ZNF658: variants seen among roughly 807,000 people sequenced by gnomAD.
ZNF658 encodes the protein zinc finger protein 658.
Under a neutral mutation model 78.0 loss-of-function variants are expected in ZNF658, and 46 were observed. The observed-to-expected ratio is 0.59, with a 90% CI of 0.47 to 0.75. The LOEUF is 0.75. Among genes scored for constraint, ZNF658 ranks in the 30% least tolerant of loss-of-function variants. The pLI, the probability that ZNF658 is intolerant of heterozygous loss-of-function variation, is 0.00. For synonymous variants in ZNF658, 279 were observed against 408.4 expected, an observed-to-expected ratio of 0.68 and a Z score of 3.82; for missense variants, 785 against 1,189.3, an observed-to-expected ratio of 0.66 and a Z score of 5.00.
At position 66,918,408 on chromosome 9, in the gene ZNF658, A is replaced by G. The variant is rs1251428230; in HGVS notation, c.842A>G (p.Lys281Arg). Residue 281 changes from lysine (K) to arginine (R), a missense_variant, in exon 5 of 5, where the codon AAA (lysine) becomes AGA (arginine). Lys to Arg is a conservative substitution (Grantham distance 26). Transcript: ENST00000621410. Reference sequence around the variant, plus strand: ...AATGAATATGGGACATCCTGTGACAAAACCACCGCTGTTGAATACAATAAA... The same window carrying G: ...AATGAATATGGGACATCCTGTGACAGAACCACCGCTGTTGAATACAATAAA... ...DLNEYGTSCD[K>R]TTAVEYNKVH... The G allele has an allele frequency of 6.2e-7, 1 of 1,613,498 alleles. No homozygotes were observed. The highest frequency in any genetic ancestry group is 8.5e-7 in the Non-Finnish European group (1 of 1,179,648).
intron 4 of ZNF658, among the ~76,000 whole-genome samples, chr9:66,915,875 C>G (rs62549041): frequency 0.54 from 70,152 of 129,432 alleles, 19,439 homozygotes; most frequent in African/African-American, 0.66. Flanking sequence ...AAGGGGGAAA[C>G]AAGCATCTGA....
intron 6 of ZNF658, among the ~76,000 whole-genome samples, chr9:66,928,614 A>T (rs1249088457): frequency 6.6e-6 from 1 of 151,752 alleles, no homozygotes; most frequent in African/African-American, 2.4e-5. Context: ...GCACTTTGGG[A>T]GGCCAACGCG....
At chr9:66,929,650 A>G (rs1182781837) in intron 6 of ZNF658, among the ~76,000 whole-genome samples, 4 of 148,144 alleles carry the variant, frequency 2.7e-5, no homozygotes, top group African/African-American at 1.0e-4. Context: ...TAATGGGATT[A>G]TGACAAAACT....
intron 6 of ZNF658, among the ~76,000 whole-genome samples, chr9:66,930,532 C>T (rs951249045): frequency 1.9e-4 from 29 of 151,056 alleles, no homozygotes; most frequent in Non-Finnish European, 1.5e-4. Context: ...ATTTTCAGCC[C>T]GGCATGGTGG....
rs768545104 is a variant in ZNF658 at position 66,918,699 on chromosome 9, A to T, written c.1133A>T (p.Asp378Val). The T allele has an allele frequency of 3.1e-6, 5 of 1,613,982 alleles. No homozygotes were observed. The East Asian group carries it at 1.1e-4, about 36-fold the overall frequency. Reference sequence around the variant, plus strand: ...GCACATCAGAGAATTCACACAGAAGATAAATTCTACCTTTCTGATGAACAT... The same window carrying T: ...GCACATCAGAGAATTCACACAGAAGTTAAATTCTACCTTTCTGATGAACAT... ...FTAHQRIHTE[D>V]KFYLSDEHGK... The change falls in exon 5 of 5, where the codon GAT becomes GTT. Residue 378 changes from aspartate (D) to valine (V), a missense_variant. Asp to Val is a radical substitution (Grantham distance 152, BLOSUM62 -3). This residue lies in a region of ZNF658 where 393 missense variants were observed against 400.2 expected (regional missense o/e 0.98). Coordinates refer to ENST00000621410, the MANE Select transcript of ZNF658 (RefSeq NM_033160.7).
Position 66,920,790 on chromosome 9 carries a change from T to G in ZNF658, c.*44T>G. 1 of 665,592 alleles carries G rather than the reference T, an allele frequency of 1.5e-6. No homozygotes were observed. Among genetic ancestry groups the G allele is most frequent in the Non-Finnish European group, 2.7e-6 (1 of 367,746 alleles). The allele number at this position is 665,592 out of a possible 1,614,324, so 41.2% of individuals were successfully genotyped here. ...ACATAACACGTAGTGCAGAAACTCATGTGACATAGGCTGGGAACTTGTTTC... is the reference window on the plus strand; with the variant it reads ...ACATAACACGTAGTGCAGAAACTCAGGTGACATAGGCTGGGAACTTGTTTC... On this transcript the variant is annotated 3_prime_UTR_variant, in exon 5 of 5. Coordinates refer to ENST00000621410, the MANE Select transcript of ZNF658 (RefSeq NM_033160.7).
rs893479679 is a variant in ZNF658 at position 66,921,077 on chromosome 9, G to A, written c.*331G>A. ...TCAAGGAAGCTAGAGTCTGAAAAAC[G>A]AACAATTCACTTCCAGGTCTTCATC... On this transcript the variant is annotated 3_prime_UTR_variant, in exon 5 of 5. Coordinates refer to ENST00000621410, the MANE Select transcript of ZNF658 (RefSeq NM_033160.7). 1.3e-4 allele frequency: 37 copies of A among 282,028 alleles called. No individual in the cohort carries two copies. Among genetic ancestry groups the A allele is most frequent in the African/African-American group, 7.0e-4 (31 of 44,362 alleles). The allele number at this position is 282,028 out of a possible 1,614,324, so 17.5% of individuals were successfully genotyped here. A position where few individuals can be genotyped will look rare whatever the true frequency, so the allele number is the denominator to read the frequency against.
Position 66,914,823 on chromosome 9 carries a change from C to T in ZNF658, c.239-2982C>T, listed in dbSNP as rs182936669. Among the ~76,000 whole-genome samples the T allele has an allele frequency of 6.3e-4, 96 of 152,062 alleles. 1 individual carries two copies. In the East Asian group the frequency reaches 0.014, roughly 22 times the overall value. ...ATATATTTCAGTGTACTTTTTGGGA[C>T]ATTTTTGCATTTATGTTATGGGAGA... is the stretch of plus-strand genomic sequence containing the variant. On this transcript the variant is annotated intron_variant, in intron 4 of 4. Transcript: ENST00000621410.
chr9:66,918,202 G>A lies in ZNF658; in HGVS notation c.636G>A (p.Glu212=), dbSNP rs766134159. 6.2e-7 allele frequency: 1 copy of A among 1,605,874 alleles called. No homozygotes were observed. Among genetic ancestry groups the A allele is most frequent in the East Asian group, 2.2e-5 (1 of 44,814 alleles). The part of the protein sequence containing the change: ...KDQHWKFQTL[E]ESFECDGSGQ... ...AGCATTGGAAATTTCAAACTTTGGA[G>A]GAATCTTTTGAATGTGATGGATCTG... is the stretch of plus-strand genomic sequence containing the variant. Residue 212 remains glutamate, a synonymous_variant, in exon 5 of 5, where the codon GAG becomes GAA. Transcript: ENST00000621410.
chr9:66,903,374 A>T (rs1821996833), intron 1 of ZNF658, 144 bp from the exon 2 acceptor site: 1 of 617,582 alleles, frequency 1.6e-6, no homozygotes. Flanking sequence ...CATGAATAGG[A>T]TTACATGCTC....
At chr9:66,910,803 TAA>T (rs546463734) in intron 4 of ZNF658, among the ~76,000 whole-genome samples, 1,536 of 67,458 alleles carry the variant, frequency 0.023, 74 homozygotes, top group African/African-American at 0.063. Context: ...CCCAAAAAAT[TAA>T]AAAAAAAAAA....
intron 6 of ZNF658, among the ~76,000 whole-genome samples, chr9:66,930,751 C>T (rs1822634852): frequency 6.6e-6 from 1 of 151,602 alleles, no homozygotes; most frequent in African/African-American, 2.4e-5. Flanking sequence ...GTTTTCTTTC[C>T]TTTTCTTAAC....
intron 4 of ZNF658, among the ~76,000 whole-genome samples, chr9:66,912,970 T>G (rs2118030449): frequency 6.6e-6 from 1 of 150,538 alleles, no homozygotes; most frequent in South Asian, 2.1e-4. Flanking sequence ...ATTGCTTGAA[T>G]CTGGGAGGTG....
chr9:66,925,796 CT>C (rs1286936586), downstream of ZNF658, among the ~76,000 whole-genome samples: 1 of 151,576 alleles, frequency 6.6e-6, no homozygotes, highest in African/African-American at 2.4e-5. Flanking sequence ...AAAAAGAAAA[CT>C]ACAGGTCTAT....
Position 66,919,540 on chromosome 9 carries a change from T to C in ZNF658, c.1974T>C (p.Tyr658=), listed in dbSNP as rs746291246. 6.8e-6 allele frequency: 11 copies of C among 1,613,196 alleles called. No homozygotes were observed. Among genetic ancestry groups the C allele is most frequent in the Non-Finnish European group, 8.5e-6 (10 of 1,179,872 alleles). ...GAATTCACACAGGGGAGAAACCCTATGAATGTAATGAATGTGGGAGATCTT... is the reference window on the plus strand; with the variant it reads ...GAATTCACACAGGGGAGAAACCCTACGAATGTAATGAATGTGGGAGATCTT... The part of the protein sequence containing the change: ...HQRIHTGEKP[Y]ECNECGRSFT... Residue 658 remains tyrosine, a synonymous_variant, in exon 5 of 5, where the codon TAT becomes TAC. Transcript: ENST00000621410.
chr9:66,929,472 C>A (rs960569734), intron 6 of ZNF658, among the ~76,000 whole-genome samples: 1 of 147,188 alleles, frequency 6.8e-6, no homozygotes, highest in African/African-American at 2.5e-5. Flanking sequence ...CTGAAGGATT[C>A]CCTAAAATGT....
chr9:66,901,262 C>A (rs1486380647), intron 1 of ZNF658, among the ~76,000 whole-genome samples: 2 of 152,070 alleles, frequency 1.3e-5, no homozygotes, highest in Non-Finnish European at 2.9e-5. Flanking sequence ...TATAAACGTT[C>A]CATTTTAAAA....
chr9:66,901,227 C>T (rs1248684741), intron 1 of ZNF658: 1 of 152,070 alleles, frequency 6.6e-6, no homozygotes, highest in African/African-American at 2.4e-5. Context: ...GGTATTTCAC[C>T]TGACCCTCAC....
chr9:66,927,086 A>T (rs572190309), intron 6 of ZNF658, among the ~76,000 whole-genome samples: 1 of 152,286 alleles, frequency 6.6e-6, no homozygotes, highest in African/African-American at 2.4e-5. Flanking sequence ...ATGCAAGGTG[A>T]GACTGTAAAG....
Sources: gnomAD v4.1 joint callset for allele counts (sites outside exome capture counted in the v4.1 genomes callset) on GRCh38, gnomAD v4.1.1 for gene constraint, gnomAD v4.1.1 regional missense constraint, MANE v1.5 for transcripts, NCBI Gene and HGNC (gene_info 2026-07-23, HGNC 2026-07-21) for gene names.